Variants in AGMO observed in about 807,000 individuals in gnomAD.
The protein encoded by AGMO is alkylglycerol monooxygenase.
A neutral mutation model predicts 60.2 loss-of-function variants in AGMO; 75 were observed. The observed-to-expected ratio is 1.25, with a 90% confidence interval of 1.03 to 1.51. The LOEUF (loss-of-function observed/expected upper bound fraction) is 1.51. AGMO is among the 40% of genes most tolerant of loss of function. AGMO has a pLI of 0.00. For synonymous variants in AGMO, 261 were observed against 177.1 expected (o/e 1.47, Z -3.76); for missense variants, 763 against 525.5 (o/e 1.45, Z -4.42).
chr7:15,248,179 C>CCT (rs1782807287), intron 12 of AGMO, among the ~76,000 whole-genome samples: 1 of 32,624 alleles, frequency 3.1e-5, no homozygotes. Flanking sequence ...GATCCAGCAC[C>CCT]ATATATATAT....
At chr7:15,157,980 G>C in the AGMO span, among the ~76,000 whole-genome samples, 1 of 152,016 alleles carries the variant, frequency 6.6e-6, no homozygotes, top group Admixed American at 6.6e-5. Flanking sequence ...TTGCTAAGCA[G>C]GATCCCATTT....
chr7:15,217,208 G>C lies in AGMO; in HGVS notation c.1264-15849C>G, dbSNP rs368067369. On this transcript the variant is annotated intron_variant, in intron 12 of 12. Transcript: ENST00000342526. ...TTTCTACAATTTGTCATATGAAATT[G>C]TTGGGGCCCCCAAAGAAAGAAATGT... is the stretch of plus-strand genomic sequence containing the variant. Among the ~76,000 whole-genome samples the C allele has an allele frequency of 1.2e-4, 18 of 152,126 alleles. 1 individual carries two copies. The South Asian group carries it at 3.3e-3, about 28-fold the overall frequency.
chr7:15,456,170 G>A (rs762171177), intron 3 of AGMO, among the ~76,000 whole-genome samples: 32 of 151,738 alleles, frequency 2.1e-4, no homozygotes, highest in Non-Finnish European at 3.7e-4. Context: ...TTTTATTTCT[G>A]TCTTCATATA....
intron 3 of AGMO, among the ~76,000 whole-genome samples, chr7:15,502,503 C>T (rs1179058298): frequency 6.6e-6 from 1 of 151,948 alleles, no homozygotes; most frequent in Non-Finnish European, 1.5e-5. Context: ...CAGAGAGTCG[C>T]TGATGGTTTT....
intron 3 of AGMO, among the ~76,000 whole-genome samples, chr7:15,499,831 CAGTG>C (rs1317102798): frequency 6.6e-6 from 1 of 150,926 alleles, no homozygotes; most frequent in Non-Finnish European, 1.5e-5. Flanking sequence ...ATATTTTACT[CAGTG>C]AGAAAAGCAA....
chr7:15,510,503 A>G (rs1026741259), intron 3 of AGMO, among the ~76,000 whole-genome samples: 1 of 151,330 alleles, frequency 6.6e-6, no homozygotes, highest in Non-Finnish European at 1.5e-5. Flanking sequence ...TGGGTAAACG[A>G]ATAAAGATAC....
At chr7:15,243,455 G>T (rs1376355642) in intron 12 of AGMO, among the ~76,000 whole-genome samples, 1 of 151,978 alleles carries the variant, frequency 6.6e-6, no homozygotes, top group East Asian at 1.9e-4. Context: ...TTTATTCTCT[G>T]TTTGGGAATT....
At chr7:15,386,038 G>C (rs977085475) in intron 9 of AGMO, among the ~76,000 whole-genome samples, 2 of 151,938 alleles carry the variant, frequency 1.3e-5, no homozygotes, top group African/African-American at 4.8e-5. Flanking sequence ...AAAATTAGCT[G>C]GGCATGGTGG....
the AGMO span, among the ~76,000 whole-genome samples, chr7:15,150,562 A>G: frequency 6.6e-6 from 1 of 151,844 alleles, no homozygotes; most frequent in Non-Finnish European, 1.5e-5. Context: ...ATCGAGATCA[A>G]GTGGTTTTTG....
chr7:15,310,345 G>A (rs1305865083), intron 12 of AGMO, among the ~76,000 whole-genome samples: 2 of 152,002 alleles, frequency 1.3e-5, no homozygotes, highest in African/African-American at 2.4e-5. Context: ...TGACTCTGGA[G>A]TAAGGGGCCC....
rs574932544 is a variant in AGMO at position 15,387,511 on chromosome 7, T to G, written c.852A>C (p.Thr284=). The change falls in exon 9 of 13, where the codon ACA becomes ACC. Residue 284 remains threonine, a synonymous_variant. Transcript: ENST00000342526. The part of the protein sequence containing the change: ...QFHHLFSIWT[T]FWATPGFFNK... ...TGAAGAATCCAGGTGTGGCCCAGAA[T>G]GTAGTCCATATGGAAAATAAGTGAT... 1 of 1,613,544 alleles carries G rather than the reference T, an allele frequency of 6.2e-7. No individual in the cohort carries two copies. Among genetic ancestry groups the G allele is most frequent in the African/African-American group, 1.3e-5 (1 of 74,916 alleles).
intron 12 of AGMO, among the ~76,000 whole-genome samples, chr7:15,341,170 C>G (rs1781835181): frequency 6.6e-6 from 1 of 152,108 alleles, no homozygotes; most frequent in African/African-American, 2.4e-5. Context: ...GTTACTTATG[C>G]AAATTTCTGC....
At chr7:15,252,389 C>A (rs546318006) in intron 12 of AGMO, among the ~76,000 whole-genome samples, 23 of 152,252 alleles carry the variant, frequency 1.5e-4, no homozygotes, top group Non-Finnish European at 2.6e-4. Context: ...TTGTTTATAA[C>A]AAATGGAATA....
intron 12 of AGMO, among the ~76,000 whole-genome samples, chr7:15,229,315 C>T (rs1782182593): frequency 6.6e-6 from 1 of 151,860 alleles, no homozygotes. Flanking sequence ...GAAATTTCTT[C>T]ACACAGTGTT....
At chr7:15,299,837 ACACAC>A (rs1212909799) in intron 12 of AGMO, among the ~76,000 whole-genome samples, 1 of 60,798 alleles carries the variant, frequency 1.6e-5, no homozygotes, top group East Asian at 4.9e-4. Context: ...ACATACACAC[ACACAC>A]ACACACACAC....
chr7:15,265,209 A>T (rs1783396708), intron 12 of AGMO, among the ~76,000 whole-genome samples: 1 of 152,136 alleles, frequency 6.6e-6, no homozygotes, highest in Non-Finnish European at 1.5e-5. Context: ...ACATGTTCTC[A>T]CTTACAAGTG....
Position 15,394,260 on chromosome 7 carries a change from C to T in AGMO, c.610-81G>A, listed in dbSNP as rs1240544446. ...TATATAAATGCTCACATTAGAAACT[C>T]ACATAAATTAAGAGATATTGCGAAT... On this transcript the variant is annotated intron_variant, in intron 5 of 12. Coordinates refer to ENST00000342526, the MANE Select transcript of AGMO (RefSeq NM_001004320.2). The T allele has an allele frequency of 6.5e-6, 7 of 1,079,304 alleles. No individual in the cohort carries two copies. In the South Asian group the frequency reaches 8.1e-5, roughly 13 times the overall value. The allele number at this position is 1,079,304 out of a possible 1,614,324, so 66.9% of individuals were successfully genotyped here. A position where few individuals can be genotyped will look rare whatever the true frequency, so the allele number is the denominator to read the frequency against.
At chr7:15,245,616 T>C (rs1782717456) in intron 12 of AGMO, among the ~76,000 whole-genome samples, 2 of 151,918 alleles carry the variant, frequency 1.3e-5, no homozygotes, top group African/African-American at 4.9e-5. Context: ...AACCTGCAAA[T>C]TGGGAGTTTC....
intron 12 of AGMO, among the ~76,000 whole-genome samples, chr7:15,350,913 T>G (rs1782215302): frequency 6.6e-6 from 1 of 152,166 alleles, no homozygotes; most frequent in African/African-American, 2.4e-5. Flanking sequence ...TTAAACATTG[T>G]TCAGTGTTGT....
Sources: gnomAD v4.1 joint callset for allele counts (sites outside exome capture counted in the v4.1 genomes callset) on GRCh38, gnomAD v4.1.1 for gene constraint, MANE v1.5 for transcripts, NCBI Gene and HGNC (gene_info 2026-07-23, HGNC 2026-07-21) for gene names.